Variants in FGF14 observed in about 807,000 individuals in gnomAD.
FGF14 encodes fibroblast growth factor 14.
Under a neutral mutation model 25.5 loss-of-function variants are expected in FGF14, and 5 were observed. The observed-to-expected ratio is 0.20, with a 90% CI of 0.10 to 0.41. The LOEUF (loss-of-function observed/expected upper bound fraction) is 0.41, where lower values mean the gene tolerates loss of function less well. Among genes scored for constraint, FGF14 ranks in the 10% least tolerant of loss-of-function variants. The probability of loss-of-function intolerance (pLI) is 1.00; values close to 1 mark genes in which losing one functional copy is unlikely to be tolerated. For missense variants in FGF14, 222 were observed against 320.1 expected (o/e 0.69, Z 2.34); for synonymous variants, 138 against 118.3 (o/e 1.17, Z -1.08).
chr13:102,325,439 T>C (rs781757710), intron 1 of FGF14, among the ~76,000 whole-genome samples: 47 of 152,330 alleles, frequency 3.1e-4, no homozygotes, highest in Non-Finnish European at 4.6e-4. Context: ...ATTTTCTGTC[T>C]GATCTTGGGT....
At chr13:101,772,557 C>T (rs558595816) in intron 3 of FGF14, among the ~76,000 whole-genome samples, 109 of 151,910 alleles carry the variant, frequency 7.2e-4, no homozygotes, top group African/African-American at 2.3e-3. Context: ...TAAATGTGGG[C>T]GAAATTTTCT....
chr13:101,870,059 G>C (rs1350539876), intron 2 of FGF14, among the ~76,000 whole-genome samples: 1 of 152,262 alleles, frequency 6.6e-6, no homozygotes, highest in South Asian at 2.1e-4. Context: ...AAAATACTCA[G>C]GGGCATCTAT....
At chr13:102,116,262 G>C (rs1429317582) in intron 1 of FGF14, among the ~76,000 whole-genome samples, 1 of 152,170 alleles carries the variant, frequency 6.6e-6, no homozygotes, top group Non-Finnish European at 1.5e-5. Context: ...TGGTAGGAAT[G>C]TGAAGTGATG....
upstream of FGF14, among the ~76,000 whole-genome samples, chr13:101,918,894 A>G (rs577772541): frequency 6.6e-6 from 1 of 152,228 alleles, no homozygotes. Flanking sequence ...AAATTCTACA[A>G]TTATTAAAAG....
At chr13:101,956,423 C>T (rs1388911130) in intron 1 of FGF14, among the ~76,000 whole-genome samples, 1 of 152,094 alleles carries the variant, frequency 6.6e-6, no homozygotes, top group Admixed American at 6.6e-5. Context: ...ATTTGCCCAA[C>T]ATCTATATTA....
chr13:102,249,449 A>C lies in FGF14; in HGVS notation c.208+152022T>G, dbSNP rs372544178. 6.2e-4 allele frequency among the ~76,000 whole-genome samples: 95 copies of C among 152,292 alleles called. 1 individual carries two copies. The South Asian group carries it at 0.01, about 17-fold the overall frequency. On this transcript the variant is annotated intron_variant, in intron 1 of 4. Coordinates refer to the FGF14 transcript ENST00000376131. ...GACAGCAGTTTTGCAGAACAATGGGAGCTGTCGTTGAGGGTCATGGACAGA... is the reference window on the plus strand; with the variant it reads ...GACAGCAGTTTTGCAGAACAATGGGCGCTGTCGTTGAGGGTCATGGACAGA...
chr13:102,270,679 C>T (rs1008433042), intron 1 of FGF14, among the ~76,000 whole-genome samples: 1 of 152,076 alleles, frequency 6.6e-6, no homozygotes, highest in Non-Finnish European at 1.5e-5. Flanking sequence ...ATATATTGTA[C>T]ATTGCATTGT....
In FGF14 at chr13:102,193,474, G is replaced by A. The variant is rs556767668; in HGVS notation, c.208+207997C>T. Among the ~76,000 whole-genome samples, 4 of 152,264 alleles carry A rather than the reference G, an allele frequency of 2.6e-5. No homozygotes were observed. In the South Asian group the frequency reaches 8.3e-4, roughly 32 times the overall value. On this transcript the variant is annotated intron_variant, in intron 1 of 4. Coordinates refer to the FGF14 transcript ENST00000376131. ...ACATGTGCAGGAAGTTGAGACACCT[G>A]AAAAGGTCCTAATTTTTTAACTTTT... is the stretch of plus-strand genomic sequence containing the variant.
intron 1 of FGF14, among the ~76,000 whole-genome samples, chr13:102,365,131 C>A (rs557480681): frequency 1.8e-4 from 28 of 152,152 alleles, no homozygotes; most frequent in Non-Finnish European, 3.5e-4. Flanking sequence ...TCCTTTTGGT[C>A]CCTTGAGCCA....
intron 1 of FGF14, among the ~76,000 whole-genome samples, chr13:102,105,419 C>T (rs1477964684): frequency 6.6e-6 from 1 of 152,052 alleles, no homozygotes; most frequent in African/African-American, 2.4e-5. Context: ...AAACACTGAC[C>T]TATTTTATTC....
rs1566813231 is a variant in FGF14, at chr13:101,721,607, C to CTAA, written c.*1221_*1223dup. 2.0e-5 allele frequency: 3 copies of CTAA among 152,126 alleles called. No individual in the cohort carries two copies. The highest frequency in any genetic ancestry group is 2.1e-4 in the South Asian group (1 of 4,826). 9.4% of individuals were successfully genotyped at this position (152,126 alleles called of 1,614,324 possible). ...TGCTGAGCTAAAAAAAATATTTTTC[C>CTAA]TAATATGTCCAGTTTAAAAACTTGT... On this transcript the variant is annotated 3_prime_UTR_variant, in exon 5 of 5. Transcript: ENST00000376143.
intron 1 of FGF14, among the ~76,000 whole-genome samples, chr13:102,019,617 T>A (rs2040528235): frequency 6.6e-6 from 1 of 152,184 alleles, no homozygotes; most frequent in Non-Finnish European, 1.5e-5. Flanking sequence ...AAGGTCACAC[T>A]TTTTCTACTT....
At chr13:102,077,485 T>C (rs2043417558) in intron 1 of FGF14, among the ~76,000 whole-genome samples, 2 of 152,146 alleles carry the variant, frequency 1.3e-5, no homozygotes, top group Admixed American at 1.3e-4. Flanking sequence ...GTAAAGGATA[T>C]GAATAGTTAT....
Position 102,077,922 on chromosome 13 carries a change from T to C in FGF14, c.209-202626A>G, listed in dbSNP as rs150699004. On this transcript the variant is annotated intron_variant, in intron 1 of 4. Transcript: ENST00000376131. Reference sequence around the variant, plus strand: ...AACAAATGAATGGATTTTTTAAATGTGGTATATATATACAATGGAGTATTA... The same window carrying C: ...AACAAATGAATGGATTTTTTAAATGCGGTATATATATACAATGGAGTATTA... 5.5e-3 allele frequency among the ~76,000 whole-genome samples: 830 copies of C among 152,268 alleles called. 16 individuals carry two copies. The highest frequency in any genetic ancestry group is 0.013 in the East Asian group (70 of 5,190).
intron 1 of FGF14, among the ~76,000 whole-genome samples, chr13:102,338,577 C>A (rs921732018): frequency 6.6e-6 from 1 of 151,952 alleles, no homozygotes; most frequent in Non-Finnish European, 1.5e-5. Flanking sequence ...GAGAAAGCCT[C>A]CAATTTAAAA....
At chr13:101,990,655 A>T in intron 1 of FGF14, among the ~76,000 whole-genome samples, 1 of 152,092 alleles carries the variant, frequency 6.6e-6, no homozygotes, top group Non-Finnish European at 1.5e-5. Flanking sequence ...GCTCATGCAC[A>T]GGCCTGGGCA....
chr13:102,140,635 C>T (rs953020512), intron 1 of FGF14, among the ~76,000 whole-genome samples: 2 of 152,184 alleles, frequency 1.3e-5, no homozygotes, highest in Middle Eastern at 3.4e-3. Flanking sequence ...ACAGCTGATA[C>T]CTCTAAATAG....
intron 1 of FGF14, among the ~76,000 whole-genome samples, chr13:102,063,869 A>G (rs2042791602): frequency 6.6e-6 from 1 of 152,194 alleles, no homozygotes; most frequent in Non-Finnish European, 1.5e-5. Flanking sequence ...TATTATGTCA[A>G]CAATGAAGCT....
At chr13:101,924,075 C>T (rs1041752288) in intron 1 of FGF14, among the ~76,000 whole-genome samples, 1 of 151,836 alleles carries the variant, frequency 6.6e-6, no homozygotes, top group Non-Finnish European at 1.5e-5. Context: ...ATTAAAATAC[C>T]AAGCATTTTA....
Sources: gnomAD v4.1 joint callset for allele counts (sites outside exome capture counted in the v4.1 genomes callset) on GRCh38, gnomAD v4.1.1 for gene constraint, MANE v1.5 for transcripts, NCBI Gene and HGNC (gene_info 2026-07-23, HGNC 2026-07-21) for gene names.